The following DPP10 variants were observed in gnomAD, a reference collection of about 807,000 sequenced individuals.
DPP10 encodes dipeptidyl peptidase like 10.
Under a neutral mutation model 120.9 loss-of-function variants are expected in DPP10, and 33 were observed. The observed-to-expected ratio is 0.27, with a 90% confidence interval of 0.21 to 0.37. The LOEUF (loss-of-function observed/expected upper bound fraction) is 0.37, where lower values mean the gene tolerates loss of function less well. Ranked by LOEUF, DPP10 falls within the 10% of genes least tolerant of loss-of-function variation. DPP10 has a pLI of 1.00. For synonymous variants in DPP10, 337 were observed against 326.1 expected, an observed-to-expected ratio of 1.03 and a Z score of -0.36; for missense variants, 816 against 942.8, an observed-to-expected ratio of 0.87 and a Z score of 1.76.
At chr2:114,596,298 T>C (rs897237884) in intron 1 of DPP10, among the ~76,000 whole-genome samples, 3 of 146,984 alleles carry the variant, frequency 2.0e-5, no homozygotes, top group Admixed American at 2.0e-4. Context: ...AGCTGTTCCA[T>C]AGCAAGACCT....
intron 1 of DPP10, among the ~76,000 whole-genome samples, chr2:114,715,164 G>A (rs987421632): frequency 6.6e-6 from 1 of 152,072 alleles, no homozygotes; most frequent in African/African-American, 2.4e-5. Context: ...GATGACAAGA[G>A]GCCCTGATCC....
chr2:114,769,572 A>G lies in DPP10; in HGVS notation c.60+326734A>G, dbSNP rs534588247. On this transcript the variant is annotated intron_variant, in intron 1 of 25. Transcript: ENST00000410059. Reference sequence around the variant, plus strand: ...TTTTGTTTTGATGCTTTTGCCAAGTATTGTTACTAGTAGGGTTCTATAAAC... The same window carrying G: ...TTTTGTTTTGATGCTTTTGCCAAGTGTTGTTACTAGTAGGGTTCTATAAAC... Among the ~76,000 whole-genome samples the G allele has an allele frequency of 5.9e-5, 9 of 152,326 alleles. No homozygotes were observed. In the South Asian group the frequency reaches 1.9e-3, roughly 32 times the overall value.
intron 1 of DPP10, among the ~76,000 whole-genome samples, chr2:114,478,326 T>C (rs564700374): frequency 1.3e-5 from 2 of 152,224 alleles, no homozygotes; most frequent in South Asian, 4.1e-4. Flanking sequence ...TAGAAGATTA[T>C]ATCAGTTTAC....
intron 3 of DPP10, among the ~76,000 whole-genome samples, chr2:115,362,639 G>T (rs188626567): frequency 4.6e-5 from 7 of 152,226 alleles, no homozygotes; most frequent in African/African-American, 1.4e-4. Flanking sequence ...TAGTGGATAC[G>T]AAATTATTAA....
intron 1 of DPP10, chr2:115,162,177 C>T: frequency 6.5e-7 from 1 of 1,547,584 alleles, no homozygotes; most frequent in Non-Finnish European, 8.7e-7. Context: ...TCCTGCTTCT[C>T]CACGGACTCT....
At chr2:114,968,400 A>AT (rs907355487) in intron 1 of DPP10, among the ~76,000 whole-genome samples, 11 of 152,256 alleles carry the variant, frequency 7.2e-5, no homozygotes, top group African/African-American at 2.4e-4. Context: ...TATATTATTA[A>AT]TTTTTACATG....
intron 1 of DPP10, among the ~76,000 whole-genome samples, chr2:115,308,693 GTTTTT>G (rs3068805): frequency 0.035 from 4,469 of 126,642 alleles, 66 homozygotes; most frequent in Middle Eastern, 0.07. Context: ...ACTAAATCCT[GTTTTT>G]TTTTTTTTTT....
chr2:115,042,426 C>G (rs1025566238), intron 1 of DPP10, among the ~76,000 whole-genome samples: 1 of 152,146 alleles, frequency 6.6e-6, no homozygotes, highest in African/African-American at 2.4e-5. Flanking sequence ...ACCACCACTG[C>G]TGGCTATTTT....
In DPP10 at chr2:115,558,394, C is replaced by T. The variant is rs181387510; in HGVS notation, c.441+32422C>T. ...TCAATGCCGTCATTGAACAATGGCA[C>T]GAGCAGTTATTAATGAAAACCATTG... is the stretch of plus-strand genomic sequence containing the variant. On this transcript the variant is annotated intron_variant, in intron 5 of 25. Coordinates refer to ENST00000410059, the MANE Select transcript of DPP10 (RefSeq NM_020868.6). Among the ~76,000 whole-genome samples the T allele has an allele frequency of 5.9e-5, 9 of 152,214 alleles. No homozygotes were observed. The East Asian group carries it at 1.4e-3, about 23-fold the overall frequency.
intron 1 of DPP10, among the ~76,000 whole-genome samples, chr2:114,895,825 T>C (rs189469433): frequency 2.8e-3 from 428 of 152,310 alleles, no homozygotes; most frequent in Middle Eastern, 0.014. Flanking sequence ...AGGGATTTAC[T>C]CAATCTCTGA....
At chr2:115,283,944 C>CTA (rs1443699902) in intron 1 of DPP10, among the ~76,000 whole-genome samples, 3 of 151,984 alleles carry the variant, frequency 2.0e-5, no homozygotes, top group Non-Finnish European at 2.9e-5. Context: ...GTGTAATATG[C>CTA]TATACCATCT....
At chr2:115,592,823 T>C (rs1395315214) in intron 5 of DPP10, among the ~76,000 whole-genome samples, 1 of 152,034 alleles carries the variant, frequency 6.6e-6, no homozygotes, top group Non-Finnish European at 1.5e-5. Context: ...GGTATATTAA[T>C]GGAAATTCTC....
At chr2:115,640,069 C>T (rs1200558621) in intron 5 of DPP10, among the ~76,000 whole-genome samples, 1 of 151,296 alleles carries the variant, frequency 6.6e-6, no homozygotes, top group African/African-American at 2.4e-5. Context: ...TTTAGATCTA[C>T]TTGACTCCAA....
intron 19 of DPP10, among the ~76,000 whole-genome samples, chr2:115,813,286 G>C (rs1338438653): frequency 6.6e-6 from 1 of 152,158 alleles, no homozygotes; most frequent in Non-Finnish European, 1.5e-5. Context: ...AGCGCTGAAG[G>C]CTAGAAGTCA....
intron 1 of DPP10, among the ~76,000 whole-genome samples, chr2:114,973,234 G>C (rs1409158031): frequency 6.6e-6 from 1 of 151,918 alleles, no homozygotes; most frequent in Non-Finnish European, 1.5e-5. Flanking sequence ...CTGCTGTGCT[G>C]CCAGTCATAT....
chr2:115,819,759 C>T (rs6716241), intron 21 of DPP10, among the ~76,000 whole-genome samples: 40,583 of 151,972 alleles, frequency 0.27, 5,773 homozygotes, highest in Middle Eastern at 0.45. Flanking sequence ...CTTGGGAGGC[C>T]GAGGTGGGCG....
At chr2:114,690,906 C>T (rs187670272) in intron 1 of DPP10, among the ~76,000 whole-genome samples, 116 of 152,082 alleles carry the variant, frequency 7.6e-4, no homozygotes, top group Admixed American at 5.6e-3. Context: ...GCAATTTTTG[C>T]ACATAGATTT....
chr2:115,324,062 C>A lies in DPP10; in HGVS notation c.175+14709C>A, dbSNP rs182033698. On this transcript the variant is annotated intron_variant, in intron 2 of 25. Transcript: ENST00000410059. ...ACTTTTCCTCTCTAGCTATGAAAGT[C>A]CTAGATAGATCAAGACCATGCTGGC... Among the ~76,000 whole-genome samples the A allele has an allele frequency of 3.3e-5, 5 of 152,004 alleles. No homozygotes were observed. The South Asian group carries it at 1.0e-3, about 31-fold the overall frequency.
chr2:115,252,972 A>G (rs1431192367), intron 1 of DPP10, among the ~76,000 whole-genome samples: 4 of 152,204 alleles, frequency 2.6e-5, no homozygotes, highest in Admixed American at 1.3e-4. Flanking sequence ...GTATTAGGCT[A>G]TTCTTGTGTT....
Sources: allele counts gnomAD v4.1 joint callset (sites outside exome capture counted in the v4.1 genomes callset), GRCh38; gene constraint gnomAD v4.1.1; transcripts MANE v1.5; gene names NCBI Gene and HGNC (gene_info 2026-07-23, HGNC 2026-07-21).